Variants in PFKP observed in about 807,000 individuals in gnomAD.
PFKP encodes phosphofructokinase, platelet, also known as ATP-dependent 6-phosphofructokinase, platelet type.
PFKP carries 101 observed loss-of-function variants against 94.3 expected under a neutral mutation model. The ratio of observed to expected loss-of-function variants is 1.07; its 90% CI spans 0.91 to 1.26. The LOEUF is 1.26. Among genes scored for constraint, PFKP ranks in the 50% most tolerant of loss-of-function variants. The pLI is 0.00. For missense variants in PFKP, 1,145 were observed against 1,103.3 expected (o/e 1.04, Z -0.53); for synonymous variants, 573 against 432.6 (o/e 1.32, Z -4.03).
At chr10:3,101,724 A>T (rs1013500707) in intron 4 of PFKP, among the ~76,000 whole-genome samples, 170 bp downstream of exon 4, 3 of 152,228 alleles carry the variant, frequency 2.0e-5, no homozygotes, top group African/African-American at 7.2e-5. Context: ...TGATCGTAAG[A>T]ATGCTAGTAA....
chr10:3,134,897 C>A (rs1839047477), intron 20 of PFKP, among the ~76,000 whole-genome samples: 1 of 152,148 alleles, frequency 6.6e-6, no homozygotes, highest in Non-Finnish European at 1.5e-5. Context: ...TTAAGTGGGG[C>A]CTTCTATTTT....
At chr10:3,124,414 C>T (rs548185119) in intron 16 of PFKP, among the ~76,000 whole-genome samples, 65 of 152,354 alleles carry the variant, frequency 4.3e-4, no homozygotes, top group Non-Finnish European at 5.9e-4. Flanking sequence ...GCTCAAGAAC[C>T]GCTCCCCTTT....
At chr10:3,103,550 G>T (rs989933714) in intron 4 of PFKP, among the ~76,000 whole-genome samples, 2 of 152,222 alleles carry the variant, frequency 1.3e-5, no homozygotes, top group African/African-American at 4.8e-5. Flanking sequence ...GATCGCCTGA[G>T]CCCAGGAGTT....
chr10:3,119,993 G>A lies in PFKP; in HGVS notation c.1632G>A (p.Pro544=), dbSNP rs151019678. The change falls in exon 16 of 22, where the codon CCG becomes CCA. Residue 544 remains proline (P), a synonymous_variant. Transcript: ENST00000381125. ...MVPATVSNNV[P]GSDFSIGADT... ...CCGCTACTGTGTCCAACAATGTGCC[G>A]GGTTCCGATTTCAGCATCGGGGCAG... is the stretch of plus-strand genomic sequence containing the variant. 4.3e-5 allele frequency: 69 copies of A among 1,614,110 alleles called. No individual in the cohort carries two copies. Among genetic ancestry groups the A allele is most frequent in the Middle Eastern group, 1.6e-4 (1 of 6,062 alleles).
chr10:3,131,709 T>C (rs934927577), intron 17 of PFKP, among the ~76,000 whole-genome samples: 1 of 152,196 alleles, frequency 6.6e-6, no homozygotes, highest in African/African-American at 2.4e-5. Flanking sequence ...TCTATCCGCC[T>C]TGGCCTCCCA....
chr10:3,079,933 G>C (rs1284108721), intron 1 of PFKP, among the ~76,000 whole-genome samples: 3 of 150,976 alleles, frequency 2.0e-5, no homozygotes, highest in Non-Finnish European at 4.4e-5. Flanking sequence ...GTCCTGCCAG[G>C]AATAAATGGA....
At chr10:3,093,712 C>T (rs1489709588) in intron 2 of PFKP, among the ~76,000 whole-genome samples, 1 of 141,830 alleles carries the variant, frequency 7.1e-6, no homozygotes, top group Non-Finnish European at 1.5e-5. Flanking sequence ...GGCGCAATCT[C>T]AGCTCACTGC....
intron 2 of PFKP, among the ~76,000 whole-genome samples, chr10:3,082,806 G>T (rs1833192935): frequency 1.3e-5 from 2 of 152,124 alleles, no homozygotes; most frequent in Admixed American, 6.6e-5. Context: ...GCAACCTGCT[G>T]GGTTCAAGCA....
intron 10 of PFKP, among the ~76,000 whole-genome samples, chr10:3,111,346 GTGTC>G (rs914681982): frequency 3.3e-5 from 5 of 152,164 alleles, no homozygotes; most frequent in African/African-American, 1.2e-4. Context: ...GAGGTAGTGT[GTGTC>G]TGCACGTTAG....
At position 3,076,215 on chromosome 10, in the gene PFKP, C is replaced by T. The variant is rs537023560; in HGVS notation, c.113-6173C>T. Reference sequence around the variant, plus strand: ...ATGTGGACGGGACGCACGTGGCCAGCGGCTCCTCTGAGGGACAGTGTGGTC... The same window carrying T: ...ATGTGGACGGGACGCACGTGGCCAGTGGCTCCTCTGAGGGACAGTGTGGTC... On this transcript the variant is annotated intron_variant, in intron 1 of 21. Coordinates refer to ENST00000381125, the MANE Select transcript of PFKP (RefSeq NM_002627.5). Among the ~76,000 whole-genome samples, 26 of 152,228 alleles carry T rather than the reference C, an allele frequency of 1.7e-4. 1 individual carries two copies. Among genetic ancestry groups the T allele is most frequent in the Admixed American group, 5.2e-4 (8 of 15,296 alleles).
chr10:3,100,048 A>AGGTGTGT (rs1334906781), intron 3 of PFKP, among the ~76,000 whole-genome samples: 1 of 121,220 alleles, frequency 8.2e-6, no homozygotes, highest in Non-Finnish European at 1.7e-5. Context: ...TTGTATGTGT[A>AGGTGTGT]GGTGTGTGGT....
intron 8 of PFKP, 151 bp from the exon 9 acceptor site, chr10:3,108,550 T>C: frequency 1.6e-6 from 1 of 615,410 alleles, no homozygotes; most frequent in Non-Finnish European, 2.9e-6. Flanking sequence ...CACTAAACGT[T>C]CTGCTAGGAA....
At chr10:3,105,367 TTGA>T in intron 6 of PFKP, 23 bp from the exon 7 acceptor site, 1 of 1,577,606 alleles carries the variant, frequency 6.3e-7, no homozygotes, top group East Asian at 2.2e-5. Context: ...TTCTGGGGTG[TTGA>T]TGCTGTTGCC....
chr10:3,101,294 G>A (rs1008037725), intron 3 of PFKP, 71 bp from the exon 4 acceptor site: 16 of 1,254,138 alleles, frequency 1.3e-5, no homozygotes, highest in Middle Eastern at 2.4e-4. Context: ...GTTTATAGTC[G>A]GCCTGTGTGT....
At chr10:3,078,444 C>T (rs6602022) in intron 1 of PFKP, among the ~76,000 whole-genome samples, 1 of 152,008 alleles carries the variant, frequency 6.6e-6, no homozygotes, top group Non-Finnish European at 1.5e-5. Flanking sequence ...AGGCAGCTGA[C>T]TTGCAGTCCT....
At chr10:3,075,654 G>A (rs1366870960) in intron 1 of PFKP, among the ~76,000 whole-genome samples, 2 of 149,262 alleles carry the variant, frequency 1.3e-5, no homozygotes, top group Non-Finnish European at 3.0e-5. Context: ...TGTAATCCCA[G>A]CCCTTCAGGA....
At chr10:3,084,751 G>C (rs4991347) in intron 2 of PFKP, among the ~76,000 whole-genome samples, 923 of 34,078 alleles carry the variant, frequency 0.027, 1 homozygote, top group Middle Eastern at 0.062. Context: ...GAGTCCTCCA[G>C]CCCCTCCCCA....
intron 11 of PFKP, 84 bp from the exon 12 acceptor site, chr10:3,113,035 C>A (rs1836412681): frequency 1.6e-6 from 2 of 1,223,470 alleles, no homozygotes; most frequent in African/African-American, 1.5e-5. Flanking sequence ...TGAGTGCTGG[C>A]AGATAAGCCA....
At chr10:3,118,961 G>A (rs972382932) in intron 15 of PFKP, 92 bp downstream of exon 15, 8 of 861,372 alleles carry the variant, frequency 9.3e-6, no homozygotes, top group Middle Eastern at 2.3e-4. Context: ...TACTGGCCAC[G>A]ATCCGAGATG....
Sources: allele counts gnomAD v4.1 joint callset (sites outside exome capture counted in the v4.1 genomes callset), GRCh38; gene constraint gnomAD v4.1.1; transcripts MANE v1.5; gene names NCBI Gene and HGNC (gene_info 2026-07-23, HGNC 2026-07-21).